PARM1: variants seen among roughly 807,000 people sequenced by gnomAD.
PARM1 encodes the protein WSC4, cell wall integrity and stress response component 4 homolog.
Under a neutral mutation model 24.6 loss-of-function variants are expected in PARM1, and 14 were observed. The observed-to-expected ratio is 0.57, with a 90% CI of 0.38 to 0.89. The LOEUF is 0.89. PARM1 is among the 40% of genes least tolerant of loss of function. The probability of loss-of-function intolerance (pLI) is 0.00; values close to 1 mark genes in which losing one functional copy is unlikely to be tolerated. For synonymous variants in PARM1, 179 were observed against 156.6 expected (o/e 1.14, Z -1.07); for missense variants, 362 against 380.4 (o/e 0.95, Z 0.40).
At position 74,933,297 on chromosome 4, in the gene PARM1, CCCCGGGCTGGGCACCAA is replaced by C. The variant is rs1721105149; in HGVS notation, c.-30_-14del. The C allele has an allele frequency of 1.2e-6, 2 of 1,603,862 alleles. No individual in the cohort carries two copies. The highest frequency in any genetic ancestry group is 2.7e-5 in the African/African-American group (2 of 74,450). ...CAGTCCGCAAACTCCTTGCCGCCCGCCCCGGGCTGGGCACCAAATACCAGGCTACCATGGTCTACAAG... is the reference window on the plus strand; with the variant it reads ...CAGTCCGCAAACTCCTTGCCGCCCGCATACCAGGCTACCATGGTCTACAAG... On this transcript the variant is annotated 5_prime_UTR_variant, in exon 1 of 4. Transcript: ENST00000307428.
At chr4:75,036,070 T>C (rs1723364349) in intron 3 of PARM1, among the ~76,000 whole-genome samples, 1 of 152,210 alleles carries the variant, frequency 6.6e-6, no homozygotes, top group Admixed American at 6.5e-5. Context: ...GAAAAACATG[T>C]TCTGCCCCTC....
chr4:74,938,378 T>C (rs1296750759), intron 1 of PARM1, among the ~76,000 whole-genome samples: 1 of 152,218 alleles, frequency 6.6e-6, no homozygotes, highest in African/African-American at 2.4e-5. Context: ...AACAGTTTGC[T>C]TCCATTTGGA....
rs1273248960 is a variant in PARM1 at position 75,013,021 on chromosome 4, C to T, written c.640C>T (p.Pro214Ser). ...HTPTSHATAE[P>S]VPQEKTPPTT... ...ACCCACTTCACATGCCACAGCTGAG[C>T]CAGTACCCCAGGAGAAAACACCCCC... Residue 214 changes from proline to serine, a missense_variant, in exon 2 of 4, where the codon CCA becomes TCA. Pro to Ser is a moderately conservative substitution (Grantham distance 74). Transcript: ENST00000307428. The T allele has an allele frequency of 1.2e-6, 2 of 1,613,882 alleles. No individual in the cohort carries two copies. Among genetic ancestry groups the T allele is most frequent in the Non-Finnish European group, 1.7e-6 (2 of 1,179,904 alleles).
At chr4:74,946,706 A>G (rs1560772048) in intron 1 of PARM1, among the ~76,000 whole-genome samples, 1 of 152,236 alleles carries the variant, frequency 6.6e-6, no homozygotes. Context: ...CCAACTGGCC[A>G]AAGCTGGGAC....
At chr4:74,978,247 G>A (rs1722175037) in intron 1 of PARM1, among the ~76,000 whole-genome samples, 1 of 152,142 alleles carries the variant, frequency 6.6e-6, no homozygotes, top group African/African-American at 2.4e-5. Flanking sequence ...GACCCACATA[G>A]GCTCAAAATA....
intron 1 of PARM1, 92 bp downstream of exon 1, chr4:74,933,462 T>C: frequency 2.7e-6 from 3 of 1,113,766 alleles, no homozygotes; most frequent in Admixed American, 1.7e-5. Context: ...GATCCGGCAG[T>C]GAGTCGCCGC....
intron 1 of PARM1, chr4:74,965,508 C>CCT (rs1383138758): frequency 1.3e-5 from 2 of 152,188 alleles, no homozygotes; most frequent in Non-Finnish European, 2.9e-5. Flanking sequence ...GTAACTTTCT[C>CCT]CTCTTTTCCT....
chr4:75,001,433 G>A (rs903076049), intron 1 of PARM1, among the ~76,000 whole-genome samples: 4 of 152,150 alleles, frequency 2.6e-5, no homozygotes, highest in Non-Finnish European at 5.9e-5. Context: ...GTTGTGTAAA[G>A]TCATAATGTT....
chr4:75,017,402 T>C (rs1484393952), intron 2 of PARM1, among the ~76,000 whole-genome samples: 2 of 152,184 alleles, frequency 1.3e-5, no homozygotes, highest in African/African-American at 4.8e-5. Context: ...ACACTGGAGA[T>C]ACTCCTGTCT....
intron 1 of PARM1, among the ~76,000 whole-genome samples, chr4:74,964,412 G>A (rs1330500471): frequency 6.6e-6 from 1 of 152,168 alleles, no homozygotes; most frequent in Non-Finnish European, 1.5e-5. Flanking sequence ...TTCAGCATTG[G>A]TCTGTACTTT....
chr4:74,998,215 T>A lies in PARM1; in HGVS notation c.44-14210T>A, dbSNP rs190347632. ...TACTGACAGTTGCAGCAGTTGGAGG[T>A]TGGTTAACAAATGAAGCACCGAAGA... On this transcript the variant is annotated intron_variant, in intron 1 of 3. Transcript: ENST00000307428. 3.4e-3 allele frequency among the ~76,000 whole-genome samples: 509 copies of A among 151,806 alleles called. 6 individuals carry two copies. The highest frequency in any genetic ancestry group is 0.011 in the African/African-American group (474 of 41,366).
rs189562495 is a variant in PARM1 at position 74,933,436 on chromosome 4, G to C, written c.43+66G>C. The C allele has an allele frequency of 9.2e-4, 1,320 of 1,429,038 alleles. 14 individuals carry two copies. The African/African-American group carries it at 0.015, about 17-fold the overall frequency. The allele number at this position is 1,429,038 out of a possible 1,614,324, so 88.5% of individuals were successfully genotyped here. ...GGGCCCCAGTAGCTAGCGCGTGGTC[G>C]GGGCTGAAGCTAGGAGATCCGGCAG... On this transcript the variant is annotated intron_variant, in intron 1 of 3. Transcript: ENST00000307428.
chr4:74,972,136 G>A (rs939751785), intron 1 of PARM1, among the ~76,000 whole-genome samples: 2 of 152,198 alleles, frequency 1.3e-5, no homozygotes, highest in African/African-American at 2.4e-5. Flanking sequence ...AATGCTCAGT[G>A]GAGCAGTGCT....
chr4:74,982,856 T>C (rs1462300173), intron 1 of PARM1, among the ~76,000 whole-genome samples: 1 of 152,238 alleles, frequency 6.6e-6, no homozygotes, highest in African/African-American at 2.4e-5. Flanking sequence ...TGCAAAATCA[T>C]TATCACTCCT....
intron 1 of PARM1, chr4:74,967,556 G>C (rs971958583): frequency 6.6e-6 from 1 of 152,154 alleles, no homozygotes; most frequent in Non-Finnish European, 1.5e-5. Flanking sequence ...GTGGCACATC[G>C]GCTGGGCTAG....
chr4:75,013,044 C>G lies in PARM1; in HGVS notation c.663C>G (p.Pro221=), dbSNP rs1355562735. The change falls in exon 2 of 4, where the codon CCC becomes CCG. Residue 221 remains proline (P), a synonymous_variant. Transcript: ENST00000307428. ...TAEPVPQEKT[P]PTTVSGKVMC... ...AGCCAGTACCCCAGGAGAAAACACC[C>G]CCAACAACTGTGTCAGGCAAAGTGA... is the stretch of plus-strand genomic sequence containing the variant. The G allele has an allele frequency of 6.2e-7, 1 of 1,613,990 alleles. No individual in the cohort carries two copies. The highest frequency in any genetic ancestry group is 8.5e-7 in the Non-Finnish European group (1 of 1,179,878).
intron 1 of PARM1, among the ~76,000 whole-genome samples, chr4:74,968,362 G>A (rs1208801337): frequency 6.6e-6 from 1 of 152,204 alleles, no homozygotes. Flanking sequence ...AATTAAATCT[G>A]TACAGGTCAG....
At chr4:75,045,650 A>T (rs1238106513) in intron 3 of PARM1, among the ~76,000 whole-genome samples, 2 of 152,238 alleles carry the variant, frequency 1.3e-5, no homozygotes, top group African/African-American at 4.8e-5. Flanking sequence ...ACAAGTTTAA[A>T]CTATACCTGC....
intron 1 of PARM1, among the ~76,000 whole-genome samples, chr4:74,940,125 A>C (rs925058009): frequency 3.9e-5 from 6 of 152,190 alleles, no homozygotes; most frequent in Admixed American, 3.9e-4. Context: ...AGAACACCTT[A>C]TATTTCCTAA....
Sources: allele counts gnomAD v4.1 joint callset (sites outside exome capture counted in the v4.1 genomes callset), GRCh38; gene constraint gnomAD v4.1.1; transcripts MANE v1.5; gene names NCBI Gene and HGNC (gene_info 2026-07-23, HGNC 2026-07-21).